The following MIPOL1 variants were observed in gnomAD, a reference collection of about 807,000 sequenced individuals.
The protein encoded by MIPOL1 is mirror-image polydactyly gene 1 protein.
In MIPOL1, 57 loss-of-function variants were observed where a neutral mutation model predicts 60.9. The observed-to-expected ratio is 0.94, with a 90% CI of 0.76 to 1.17. The LOEUF is 1.17. Among genes scored for constraint, MIPOL1 ranks in the 50% most tolerant of loss-of-function variants. The pLI is 0.00. For synonymous variants in MIPOL1, 179 were observed against 168.8 expected (o/e 1.06, Z -0.47); for missense variants, 551 against 511.6 (o/e 1.08, Z -0.74).
At chr14:37,398,912 G>A (rs1373553256) in intron 10 of MIPOL1, among the ~76,000 whole-genome samples, 2 of 151,876 alleles carry the variant, frequency 1.3e-5, no homozygotes, top group Non-Finnish European at 2.9e-5. Context: ...TGATTTCTTG[G>A]GTTTTATTTA....
intron 9 of MIPOL1, among the ~76,000 whole-genome samples, chr14:37,360,154 A>G (rs2092139082): frequency 6.6e-6 from 1 of 152,042 alleles, no homozygotes; most frequent in African/African-American, 2.4e-5. Flanking sequence ...CCAGCCTTGC[A>G]TCCCGGGGAT....
intron 1 of MIPOL1, among the ~76,000 whole-genome samples, chr14:37,221,825 T>G (rs1968818437): frequency 6.6e-6 from 1 of 152,202 alleles, no homozygotes; most frequent in Non-Finnish European, 1.5e-5. Context: ...ACATGGCAGT[T>G]GAATTTGAAT....
rs563612240 is a variant in MIPOL1, at chr14:37,473,273, C to T, written c.1032-26635C>T. 6.6e-5 allele frequency among the ~76,000 whole-genome samples: 10 copies of T among 152,302 alleles called. No homozygotes were observed. In the South Asian group the frequency reaches 2.1e-3, roughly 32 times the overall value. On this transcript the variant is annotated intron_variant, in intron 11 of 12. Transcript: ENST00000684589. Reference sequence around the variant, plus strand: ...ACCATGTGATCTGTGTACAAGCCAGCTCCACCATGGGCAGAGGCAGCCTGA... The same window carrying T: ...ACCATGTGATCTGTGTACAAGCCAGTTCCACCATGGGCAGAGGCAGCCTGA...
intron 9 of MIPOL1, among the ~76,000 whole-genome samples, chr14:37,341,523 T>C (rs2090573100): frequency 6.6e-6 from 1 of 152,236 alleles, no homozygotes; most frequent in South Asian, 2.1e-4. Context: ...CTTTTTTATC[T>C]TTGTTAAGTA....
intron 1 of MIPOL1, among the ~76,000 whole-genome samples, chr14:37,234,219 G>A (rs1285397126): frequency 2.0e-5 from 3 of 151,972 alleles, no homozygotes; most frequent in African/African-American, 7.3e-5. Flanking sequence ...TATTGTTTCT[G>A]CTGTTAATCA....
intron 9 of MIPOL1, among the ~76,000 whole-genome samples, chr14:37,359,762 G>A (rs941815870): frequency 6.6e-6 from 1 of 152,092 alleles, no homozygotes; most frequent in African/African-American, 2.4e-5. Flanking sequence ...ATACAATCAC[G>A]TAATCTGCAA....
At chr14:37,409,036 G>A (rs1266248072) in intron 10 of MIPOL1, among the ~76,000 whole-genome samples, 1 of 152,118 alleles carries the variant, frequency 6.6e-6, no homozygotes, top group Non-Finnish European at 1.5e-5. Context: ...TCCTTGATAA[G>A]CAGCAAGGCT....
chr14:37,514,939 A>T lies in MIPOL1; in HGVS notation c.1262+14801A>T, dbSNP rs117375605. On this transcript the variant is annotated intron_variant, in intron 12 of 12. Transcript: ENST00000684589. ...CCAAAATATAATTGGGAGAAACTCA[A>T]TTGAACCCAAGAGCATGTAGAAATA... is the stretch of plus-strand genomic sequence containing the variant. 2.6e-3 allele frequency among the ~76,000 whole-genome samples: 402 copies of T among 152,330 alleles called. 2 individuals carry two copies. Among genetic ancestry groups the T allele is most frequent in the Non-Finnish European group, 4.3e-3 (291 of 68,020 alleles).
chr14:37,481,076 G>A (rs2094856092), intron 11 of MIPOL1, among the ~76,000 whole-genome samples: 2 of 152,144 alleles, frequency 1.3e-5, no homozygotes, highest in South Asian at 4.1e-4. Context: ...AGGAGTACAA[G>A]GTTACAGTGA....
chr14:37,420,908 G>A (rs1455140054), intron 10 of MIPOL1, among the ~76,000 whole-genome samples: 1 of 152,034 alleles, frequency 6.6e-6, no homozygotes, highest in East Asian at 1.9e-4. Context: ...AAATGCTGCT[G>A]GATAAGCATA....
intron 12 of MIPOL1, among the ~76,000 whole-genome samples, chr14:37,508,371 C>T (rs1360896556): frequency 6.6e-6 from 1 of 152,126 alleles, no homozygotes; most frequent in Non-Finnish European, 1.5e-5. Flanking sequence ...CTCTGCTACT[C>T]AGTACAGTAT....
intron 10 of MIPOL1, among the ~76,000 whole-genome samples, chr14:37,422,612 AG>A (rs2093893122): frequency 6.6e-6 from 1 of 152,036 alleles, no homozygotes; most frequent in Admixed American, 6.6e-5. Context: ...CTGATGGTAC[AG>A]ATAAATAAGG....
intron 5 of MIPOL1, 21 bp from the exon 6 acceptor site, chr14:37,270,399 A>AT: frequency 4.5e-6 from 6 of 1,330,422 alleles, no homozygotes; most frequent in Admixed American, 2.4e-5. Flanking sequence ...AGAATCCATG[A>AT]TTTTTTTCAA....
At chr14:37,245,471 G>A (rs1973055838) in intron 1 of MIPOL1, among the ~76,000 whole-genome samples, 1 of 152,042 alleles carries the variant, frequency 6.6e-6, no homozygotes, top group Non-Finnish European at 1.5e-5. Flanking sequence ...GACATCAAGG[G>A]CAAAGCAAAT....
intron 7 of MIPOL1, among the ~76,000 whole-genome samples, chr14:37,297,662 C>G (rs1225864399): frequency 6.6e-6 from 1 of 151,900 alleles, no homozygotes; most frequent in Non-Finnish European, 1.5e-5. Flanking sequence ...ACACCAATAA[C>G]AGACAAACAG....
chr14:37,413,396 T>C (rs1421342077), intron 10 of MIPOL1, among the ~76,000 whole-genome samples: 1 of 152,200 alleles, frequency 6.6e-6, no homozygotes, highest in East Asian at 1.9e-4. Flanking sequence ...TTCCTTGGCT[T>C]GTGGCCCCCT....
chr14:37,397,353 C>G (rs1410707288), intron 10 of MIPOL1, among the ~76,000 whole-genome samples: 1 of 149,972 alleles, frequency 6.7e-6, no homozygotes, highest in South Asian at 2.1e-4. Context: ...GTCCTGGATA[C>G]CAGCACCTGT....
chr14:37,482,308 T>C (rs1392712874), intron 11 of MIPOL1, among the ~76,000 whole-genome samples: 1 of 152,180 alleles, frequency 6.6e-6, no homozygotes, highest in Non-Finnish European at 1.5e-5. Context: ...AGATAGCCAG[T>C]AGATATATGA....
chr14:37,243,189 A>G (rs534399978), intron 1 of MIPOL1, among the ~76,000 whole-genome samples: 274 of 152,264 alleles, frequency 1.8e-3, no homozygotes, highest in Non-Finnish European at 3.5e-3. Flanking sequence ...TTAAATTTGT[A>G]TAGCTGTGGT....
Sources: gnomAD v4.1 joint callset for allele counts (sites outside exome capture counted in the v4.1 genomes callset) on GRCh38, gnomAD v4.1.1 for gene constraint, MANE v1.5 for transcripts, NCBI Gene and HGNC (gene_info 2026-07-23, HGNC 2026-07-21) for gene names.